The following LRBA variants were observed in gnomAD, a reference collection of about 807,000 sequenced individuals.
LRBA encodes LPS responsive beige-like anchor protein.
A neutral mutation model predicts 330.0 loss-of-function variants in LRBA; 176 were observed. That is an observed-to-expected ratio of 0.53 (90% CI 0.47 to 0.60). The LOEUF (loss-of-function observed/expected upper bound fraction) is 0.60, where lower values mean the gene tolerates loss of function less well. Ranked by LOEUF, LRBA falls within the 20% of genes least tolerant of loss-of-function variation. The pLI is 0.00. For missense variants in LRBA, 3,259 were observed against 3,444.8 expected (o/e 0.95, Z 1.35); for synonymous variants, 1,230 against 1,193.0 (o/e 1.03, Z -0.64).
chr4:150,514,908 G>A (rs1762182320), intron 40 of LRBA, among the ~76,000 whole-genome samples: 1 of 152,114 alleles, frequency 6.6e-6, no homozygotes, highest in Non-Finnish European at 1.5e-5. Context: ...GCCTGGTAGT[G>A]TACTAGGAGG....
rs905876620 is a variant in LRBA, at chr4:150,906,104, G to A, written c.1603-114C>T. On this transcript the variant is annotated intron_variant, in intron 12 of 56. Transcript: ENST00000651943. ...ACAAATTATGCTCAAAGTTAAAGAT[G>A]CCATGAAGCTCACTATCACATTTGT... The A allele has an allele frequency of 3.5e-5, 32 of 907,008 alleles. No individual in the cohort carries two copies. The East Asian group carries it at 7.9e-4, about 22-fold the overall frequency. 56.2% of individuals were successfully genotyped at this position (907,008 alleles called of 1,614,324 possible).
At chr4:150,732,985 C>A (rs537748209) in intron 36 of LRBA, among the ~76,000 whole-genome samples, 1 of 152,048 alleles carries the variant, frequency 6.6e-6, no homozygotes, top group Admixed American at 6.6e-5. Context: ...AATTGTAGGA[C>A]TACATTAAAG....
chr4:150,851,761 T>G (rs974091040), intron 23 of LRBA, 124 bp downstream of exon 23: 13 of 955,936 alleles, frequency 1.4e-5, no homozygotes, highest in Non-Finnish European at 1.9e-5. Flanking sequence ...TCACATTCAT[T>G]GCATTTATTT....
At chr4:150,426,545 G>A (rs1289260162) in intron 46 of LRBA, among the ~76,000 whole-genome samples, 1 of 151,826 alleles carries the variant, frequency 6.6e-6, no homozygotes, top group African/African-American at 2.4e-5. Flanking sequence ...GGTTTGCTGT[G>A]AGGCTCATAT....
At chr4:150,958,113 C>T (rs779790008) in intron 2 of LRBA, among the ~76,000 whole-genome samples, 15 of 149,132 alleles carry the variant, frequency 1.0e-4, no homozygotes, top group East Asian at 9.6e-4. Flanking sequence ...TCTGTGGAGG[C>T]GCTTGTACCC....
chr4:150,809,928 A>ACGATG (rs1243154968), intron 31 of LRBA, among the ~76,000 whole-genome samples: 2 of 135,502 alleles, frequency 1.5e-5, no homozygotes, highest in East Asian at 4.2e-4. Context: ...ACGATACGAT[A>ACGATG]CGATACTTCC....
At position 150,908,218 on chromosome 4, in the gene LRBA, T is replaced by C. The variant is rs1731562027; in HGVS notation, c.1493+116A>G. ...TATGGACTTGTAATACAGTTTATAG[T>C]TCACAAGTTTAAATTATTTTGACAC... On this transcript the variant is annotated intron_variant, in intron 11 of 56. Transcript: ENST00000651943. The C allele has an allele frequency of 4.0e-6, 4 of 995,638 alleles. No homozygotes were observed. In the South Asian group the frequency reaches 6.4e-5, roughly 16 times the overall value. The allele number at this position is 995,638 out of a possible 1,614,324, so 61.7% of individuals were successfully genotyped here.
Position 150,583,523 on chromosome 4 carries a change from G to A in LRBA, c.6330+4525C>T, listed in dbSNP as rs745962364. ...GAGGTCAAGTTGCGCATCAGGGAGCGCTATGTGGTGCAAATCACTCCGGCG... is the reference window on the plus strand; with the variant it reads ...GAGGTCAAGTTGCGCATCAGGGAGCACTATGTGGTGCAAATCACTCCGGCG... On this transcript the variant is annotated intron_variant, in intron 40 of 56. Transcript: ENST00000651943. This position sits in a 1 kb window ranked among gnomAD's most constrained non-coding sequence, Gnocchi z 9.8. The A allele has an allele frequency of 2.5e-6, 4 of 1,613,774 alleles. No individual in the cohort carries two copies. The South Asian group carries it at 3.3e-5, about 13-fold the overall frequency.
chr4:150,432,475 T>TTTTTTTTTTA, intron 46 of LRBA, among the ~76,000 whole-genome samples: 1 of 127,418 alleles, frequency 7.8e-6, no homozygotes, highest in Non-Finnish European at 1.7e-5. Context: ...TTTTTTTTTT[T>TTTTTTTTTTA]TTGAGACACA....
intron 18 of LRBA, among the ~76,000 whole-genome samples, chr4:150,871,931 A>G (rs1489598871): frequency 1.3e-5 from 2 of 152,210 alleles, no homozygotes; most frequent in Non-Finnish European, 2.9e-5. Flanking sequence ...GCATAAATTC[A>G]GAAACTAAAG....
intron 53 of LRBA, among the ~76,000 whole-genome samples, chr4:150,297,165 T>C (rs1298363299): frequency 6.6e-6 from 1 of 152,112 alleles, no homozygotes; most frequent in African/African-American, 2.4e-5. Context: ...GGCTATAACC[T>C]ATGGGCTGAA....
intron 34 of LRBA, among the ~76,000 whole-genome samples, chr4:150,784,122 A>C (rs1328235881): frequency 6.6e-6 from 1 of 152,238 alleles, no homozygotes; most frequent in Non-Finnish European, 1.5e-5. Context: ...GTATATATTT[A>C]TATATCCAAG....
intron 43 of LRBA, among the ~76,000 whole-genome samples, chr4:150,470,977 T>C (rs1435589716): frequency 1.3e-5 from 2 of 152,086 alleles, no homozygotes; most frequent in Admixed American, 6.5e-5. Flanking sequence ...GATGCAGCTC[T>C]AATATCACTT....
At chr4:150,421,812 G>A (rs1748839207) in intron 46 of LRBA, among the ~76,000 whole-genome samples, 1 of 152,116 alleles carries the variant, frequency 6.6e-6, no homozygotes, top group South Asian at 2.1e-4. Context: ...CAGCAGGAAG[G>A]ACCTGGCAGG....
chr4:150,283,023 G>A (rs1030465038), intron 54 of LRBA, among the ~76,000 whole-genome samples: 3 of 152,200 alleles, frequency 2.0e-5, no homozygotes, highest in African/African-American at 7.2e-5. Flanking sequence ...AGGGCTGCGG[G>A]CAGGTACACT....
At chr4:150,817,076 AATGAG>A in intron 31 of LRBA, 43 bp downstream of exon 31, 1 of 1,583,058 alleles carries the variant, frequency 6.3e-7, no homozygotes, top group South Asian at 1.1e-5. Flanking sequence ...GCGTTGCTAA[AATGAG>A]ATCTAAAAAC....
intron 47 of LRBA, among the ~76,000 whole-genome samples, chr4:150,373,456 C>G (rs1740773964): frequency 6.6e-6 from 1 of 152,114 alleles, no homozygotes; most frequent in African/African-American, 2.4e-5. Context: ...CTCTCATCAA[C>G]TTGACTGCTC....
At chr4:150,811,839 T>C (rs1459161659) in intron 31 of LRBA, among the ~76,000 whole-genome samples, 1 of 152,108 alleles carries the variant, frequency 6.6e-6, no homozygotes, top group Non-Finnish European at 1.5e-5. Flanking sequence ...TAATGAGAAA[T>C]GCATATTAGA....
chr4:150,690,963 T>C (rs940006132), intron 36 of LRBA, among the ~76,000 whole-genome samples: 7 of 141,788 alleles, frequency 4.9e-5, no homozygotes, highest in African/African-American at 1.3e-4. Context: ...AGAGTCTCGC[T>C]CTGTCGCCCA....
Sources: allele counts gnomAD v4.1 joint callset (sites outside exome capture counted in the v4.1 genomes callset), GRCh38; gene constraint gnomAD v4.1.1; non-coding constraint Gnocchi (gnomAD v3.1); transcripts MANE v1.5; gene names NCBI Gene and HGNC (gene_info 2026-07-23, HGNC 2026-07-21).